Variants in RHBDD1 observed in about 807,000 individuals in gnomAD.
RHBDD1 encodes the protein rhomboid domain containing 1.
A neutral mutation model predicts 36.3 loss-of-function variants in RHBDD1; 38 were observed. That is an observed-to-expected ratio of 1.05 (90% CI 0.81 to 1.37). The LOEUF is 1.37. RHBDD1 is among the 40% of genes most tolerant of loss of function. RHBDD1 has a pLI of 0.00. For synonymous variants in RHBDD1, 151 were observed against 136.5 expected, an observed-to-expected ratio of 1.11 and a Z score of -0.74; for missense variants, 393 against 377.6, an observed-to-expected ratio of 1.04 and a Z score of -0.34.
At chr2:226,889,067 A>G (rs1009794331) in intron 5 of RHBDD1, among the ~76,000 whole-genome samples, 4 of 152,262 alleles carry the variant, frequency 2.6e-5, no homozygotes, top group African/African-American at 9.6e-5. Flanking sequence ...TTTAAAATTC[A>G]TAAATTCCAC....
intron 8 of RHBDD1, among the ~76,000 whole-genome samples, chr2:226,917,573 T>TA (rs1157112237): frequency 1.3e-5 from 2 of 152,158 alleles, no homozygotes; most frequent in Non-Finnish European, 2.9e-5. Context: ...AGTATGGAGT[T>TA]ACGTTCTAAA....
intron 5 of RHBDD1, among the ~76,000 whole-genome samples, chr2:226,885,551 A>T (rs1413949737): frequency 2.0e-5 from 3 of 152,214 alleles, no homozygotes; most frequent in Non-Finnish European, 1.5e-5. Context: ...AGAAAGAAGA[A>T]TACAAAGTAT....
At chr2:226,884,185 A>G (rs149643014) in intron 5 of RHBDD1, among the ~76,000 whole-genome samples, 6 of 152,236 alleles carry the variant, frequency 3.9e-5, no homozygotes, top group Non-Finnish European at 8.8e-5. Context: ...TTTATTTGCT[A>G]ATTTCCCTTT....
intron 8 of RHBDD1, among the ~76,000 whole-genome samples, chr2:226,974,065 C>A (rs915767787): frequency 3.9e-5 from 6 of 152,036 alleles, no homozygotes; most frequent in African/African-American, 1.5e-4. Flanking sequence ...GACAGATGGC[C>A]GGCGTTTGTC....
chr2:226,966,535 C>T (rs1952644477), intron 8 of RHBDD1, among the ~76,000 whole-genome samples: 1 of 152,200 alleles, frequency 6.6e-6, no homozygotes, highest in African/African-American at 2.4e-5. Flanking sequence ...ATAAATACAA[C>T]TTAGTGCAAC....
At chr2:226,975,090 A>G (rs1234576283) in intron 8 of RHBDD1, among the ~76,000 whole-genome samples, 2 of 152,180 alleles carry the variant, frequency 1.3e-5, no homozygotes, top group African/African-American at 2.4e-5. Context: ...CCTTCCATTT[A>G]GTTGGCAGTT....
At chr2:226,803,628 A>G in the RHBDD1 span, among the ~76,000 whole-genome samples, 3 of 152,200 alleles carry the variant, frequency 2.0e-5, no homozygotes, top group African/African-American at 7.2e-5. Flanking sequence ...TTTTGTGGAA[A>G]AAATAGGCAC....
At chr2:226,956,294 A>G (rs1473043646) in intron 8 of RHBDD1, among the ~76,000 whole-genome samples, 1 of 152,126 alleles carries the variant, frequency 6.6e-6, no homozygotes, top group Non-Finnish European at 1.5e-5. Flanking sequence ...CCCTAGAGTC[A>G]CATATTATTA....
chr2:226,876,591 T>C (rs1395592394), intron 5 of RHBDD1, among the ~76,000 whole-genome samples: 3 of 152,186 alleles, frequency 2.0e-5, no homozygotes, highest in African/African-American at 7.2e-5. Context: ...AGCTAGTCCA[T>C]TGGATAGCCA....
chr2:226,809,403 A>G, the RHBDD1 span, among the ~76,000 whole-genome samples: 1 of 152,246 alleles, frequency 6.6e-6, no homozygotes, highest in Non-Finnish European at 1.5e-5. Flanking sequence ...TGAATTCTTT[A>G]GTGGAATCAC....
chr2:226,877,550 CTT>C (rs80311532), intron 5 of RHBDD1, among the ~76,000 whole-genome samples: 91 of 120,740 alleles, frequency 7.5e-4, no homozygotes, highest in African/African-American at 1.2e-3. Flanking sequence ...AGCCATTTTC[CTT>C]TTTTTTTTTT....
At chr2:226,986,505 C>T (rs1956991528) in intron 8 of RHBDD1, among the ~76,000 whole-genome samples, 1 of 151,942 alleles carries the variant, frequency 6.6e-6, no homozygotes, top group South Asian at 2.1e-4. Flanking sequence ...ATAACCCCAT[C>T]AAAAAGCAGG....
intron 8 of RHBDD1, among the ~76,000 whole-genome samples, chr2:226,918,184 T>A (rs1237862724): frequency 6.6e-6 from 1 of 152,066 alleles, no homozygotes. Context: ...TTTTTTTTAA[T>A]TTTTAATTTT....
intron 5 of RHBDD1, among the ~76,000 whole-genome samples, chr2:226,896,565 T>C (rs189628817): frequency 1.5e-4 from 23 of 152,298 alleles, no homozygotes; most frequent in Admixed American, 5.9e-4. Context: ...TCCTTACCTG[T>C]CTTCTGCTTA....
At chr2:226,903,371 A>G (rs1262679540) in intron 5 of RHBDD1, among the ~76,000 whole-genome samples, 3 of 152,202 alleles carry the variant, frequency 2.0e-5, no homozygotes, top group African/African-American at 4.8e-5. Context: ...CAGGACGTGA[A>G]TCATCTCTTT....
chr2:226,856,414 A>G (rs923859370), intron 3 of RHBDD1, among the ~76,000 whole-genome samples: 1 of 152,186 alleles, frequency 6.6e-6, no homozygotes, highest in Non-Finnish European at 1.5e-5. Flanking sequence ...CTTGGAACCT[A>G]AGGAAACTAA....
At chr2:226,887,969 T>C (rs1404235508) in intron 5 of RHBDD1, among the ~76,000 whole-genome samples, 1 of 152,170 alleles carries the variant, frequency 6.6e-6, no homozygotes, top group South Asian at 2.1e-4. Context: ...ATGCAGATGG[T>C]GAAGTAGTTT....
intron 3 of RHBDD1, among the ~76,000 whole-genome samples, chr2:226,858,982 G>T (rs552947644): frequency 6.6e-6 from 1 of 152,078 alleles, no homozygotes; most frequent in African/African-American, 2.4e-5. Context: ...TGAGATTAAC[G>T]TTATAAATAC....
intron 8 of RHBDD1, among the ~76,000 whole-genome samples, chr2:226,937,690 G>A (rs188627977): frequency 6.6e-6 from 1 of 152,106 alleles, no homozygotes; most frequent in Non-Finnish European, 1.5e-5. Context: ...GAGAACATGC[G>A]GTATTAAGTT....
Sources: allele counts gnomAD v4.1 joint callset (sites outside exome capture counted in the v4.1 genomes callset), GRCh38; gene constraint gnomAD v4.1.1; transcripts MANE v1.5; gene names NCBI Gene and HGNC (gene_info 2026-07-23, HGNC 2026-07-21).